The following FARP1 variants were observed in gnomAD, a reference collection of about 807,000 sequenced individuals.
The protein encoded by FARP1 is FERM, ARHGEF and pleckstrin domain-containing protein 1.
A neutral mutation model predicts 128.8 loss-of-function variants in FARP1; 52 were observed. The ratio of observed to expected loss-of-function variants is 0.40; its 90% CI spans 0.32 to 0.51. The LOEUF (loss-of-function observed/expected upper bound fraction) is 0.51. Ranked by LOEUF, FARP1 falls within the 20% of genes least tolerant of loss-of-function variation. The probability of loss-of-function intolerance (pLI) is 0.45; values close to 1 mark genes in which losing one functional copy is unlikely to be tolerated. For synonymous variants in FARP1, 580 were observed against 551.8 expected (o/e 1.05, Z -0.72); for missense variants, 1,333 against 1,367.9 (o/e 0.97, Z 0.40).
intron 16 of FARP1, among the ~76,000 whole-genome samples, chr13:98,418,811 G>A (rs1037051904): frequency 6.6e-6 from 1 of 152,168 alleles, no homozygotes; most frequent in African/African-American, 2.4e-5. Flanking sequence ...ATTTTAATAT[G>A]TGCCCTGTTG....
intron 26 of FARP1, 53 bp from the exon 27 acceptor site, chr13:98,448,183 G>C (rs1892978724): frequency 1.4e-6 from 2 of 1,472,662 alleles, no homozygotes; most frequent in Non-Finnish European, 9.5e-7. Context: ...CCACCAAAGT[G>C]TCAGGAGTCC....
chr13:98,417,867 A>G (rs779239332), intron 16 of FARP1, among the ~76,000 whole-genome samples: 3 of 152,214 alleles, frequency 2.0e-5, no homozygotes, highest in African/African-American at 2.4e-5. Flanking sequence ...TGAATTAAAT[A>G]CTTTTCTCAT....
At chr13:98,319,031 C>T (rs1886874489) in intron 2 of FARP1, among the ~76,000 whole-genome samples, 1 of 143,398 alleles carries the variant, frequency 7.0e-6, no homozygotes, top group Non-Finnish European at 1.5e-5. Context: ...GGCAGGATCT[C>T]AGCTCACTGC....
chr13:98,288,646 G>A (rs1341222845), intron 2 of FARP1, among the ~76,000 whole-genome samples: 2 of 152,178 alleles, frequency 1.3e-5, no homozygotes, highest in Admixed American at 1.3e-4. Context: ...CTTAGTGTCT[G>A]TCTTAACATC....
intron 16 of FARP1, among the ~76,000 whole-genome samples, chr13:98,422,372 G>A (rs1891625397): frequency 6.6e-6 from 1 of 152,146 alleles, no homozygotes; most frequent in Admixed American, 6.6e-5. Flanking sequence ...TAGCAGAGGA[G>A]CGGTGCCAAT....
chr13:98,282,163 G>T (rs1884967239), intron 2 of FARP1, among the ~76,000 whole-genome samples: 1 of 152,128 alleles, frequency 6.6e-6, no homozygotes. Context: ...AATTAGCCAG[G>T]CATGGTGGTG....
intron 1 of FARP1, among the ~76,000 whole-genome samples, chr13:98,207,712 G>A (rs1880356132): frequency 6.6e-6 from 1 of 152,060 alleles, no homozygotes; most frequent in Admixed American, 6.6e-5. Flanking sequence ...AGTACGAAAA[G>A]TGCATGGAGG....
At chr13:98,242,172 A>G (rs1353162505) in intron 2 of FARP1, among the ~76,000 whole-genome samples, 2 of 152,164 alleles carry the variant, frequency 1.3e-5, no homozygotes, top group Non-Finnish European at 2.9e-5. Flanking sequence ...GACCACCCTG[A>G]AAGTGTTGTT....
At chr13:98,258,050 T>G (rs1262650392) in intron 2 of FARP1, among the ~76,000 whole-genome samples, 1 of 152,112 alleles carries the variant, frequency 6.6e-6, no homozygotes, top group African/African-American at 2.4e-5. Context: ...CTTGGCTCAC[T>G]GCAAGCTCTG....
chr13:98,335,862 C>A (rs985649400), intron 2 of FARP1, among the ~76,000 whole-genome samples: 10 of 152,168 alleles, frequency 6.6e-5, no homozygotes, highest in African/African-American at 2.4e-4. Flanking sequence ...GGGCACAAGG[C>A]CTTCGAGACC....
At chr13:98,338,382 G>C in intron 2 of FARP1, 1 of 152,140 alleles carries the variant, frequency 6.6e-6, no homozygotes, top group East Asian at 1.9e-4. Context: ...GCCTGCTCTA[G>C]GCACCTCATT....
chr13:98,315,971 G>A (rs1886701362), intron 2 of FARP1, among the ~76,000 whole-genome samples: 1 of 152,222 alleles, frequency 6.6e-6, no homozygotes, highest in East Asian at 1.9e-4. Context: ...CCTATGGACA[G>A]TATCACCAGT....
At chr13:98,319,042 A>G (rs1594396783) in intron 2 of FARP1, among the ~76,000 whole-genome samples, 1 of 145,082 alleles carries the variant, frequency 6.9e-6, no homozygotes, top group East Asian at 2.1e-4. Flanking sequence ...AGCTCACTGC[A>G]GCCTCGGCCC....
At chr13:98,235,856 T>C (rs1440381286) in intron 2 of FARP1, among the ~76,000 whole-genome samples, 1 of 146,190 alleles carries the variant, frequency 6.8e-6, no homozygotes, top group African/African-American at 2.6e-5. Flanking sequence ...AGAGTTTCGC[T>C]CTTGTTGCCC....
chr13:98,219,911 C>G (rs1242721652), intron 2 of FARP1, among the ~76,000 whole-genome samples: 1 of 152,166 alleles, frequency 6.6e-6, no homozygotes, highest in East Asian at 1.9e-4. Context: ...TGAAGTGATC[C>G]TCCTGCATTG....
At chr13:98,387,269 C>T (rs1890131308) in intron 8 of FARP1, among the ~76,000 whole-genome samples, 1 of 152,114 alleles carries the variant, frequency 6.6e-6, no homozygotes, top group African/African-American at 2.4e-5. Context: ...CGACTGCCCT[C>T]CAGCCTGGGT....
At chr13:98,435,933 G>A (rs948609087) in intron 19 of FARP1, 5 of 615,826 alleles carry the variant, frequency 8.1e-6, no homozygotes, top group South Asian at 1.5e-5. Context: ...TTCTCCTTAC[G>A]GGGTGATTCG....
At position 98,216,932 on chromosome 13, in the gene FARP1, G is replaced by A. The variant is rs80091452; in HGVS notation, c.171+3519G>A. Among the ~76,000 whole-genome samples the A allele has an allele frequency of 9.4e-3, 1,433 of 152,296 alleles. 23 individuals are homozygous for A. The highest frequency in any genetic ancestry group is 0.033 in the African/African-American group (1,366 of 41,564). ...ACCGTGCAAATAAGCTTCAGCCTGT[G>A]GTTTATGATATATGCAGCTTTCTCT... On this transcript the variant is annotated intron_variant, in intron 2 of 26. Coordinates refer to ENST00000319562, the MANE Select transcript of FARP1 (RefSeq NM_005766.4).
intron 1 of FARP1, among the ~76,000 whole-genome samples, chr13:98,150,859 T>C (rs114448455): frequency 0.016 from 2,373 of 152,136 alleles, 39 homozygotes; most frequent in Middle Eastern, 0.059. Context: ...CCAAACTGAG[T>C]TGTGTTTGTT....
Sources: gnomAD v4.1 joint callset for allele counts (sites outside exome capture counted in the v4.1 genomes callset) on GRCh38, gnomAD v4.1.1 for gene constraint, MANE v1.5 for transcripts, NCBI Gene and HGNC (gene_info 2026-07-23, HGNC 2026-07-21) for gene names.